Variants in BCL6 observed in about 807,000 individuals in gnomAD.
BCL6 encodes B-cell lymphoma 6 protein.
BCL6 carries 7 observed loss-of-function variants against 59.5 expected under a neutral mutation model. The observed-to-expected ratio is 0.12, with a 90% CI of 0.07 to 0.22. The LOEUF is 0.22. Among genes scored for constraint, BCL6 ranks in the 10% least tolerant of loss-of-function variants. The pLI is 1.00. For synonymous variants in BCL6, 339 were observed against 349.7 expected, an observed-to-expected ratio of 0.97 and a Z score of 0.34; for missense variants, 685 against 939.4, an observed-to-expected ratio of 0.73 and a Z score of 3.54.
intron 1 of BCL6, among the ~76,000 whole-genome samples, chr3:187,738,259 C>T (rs1024382173): frequency 5.3e-5 from 8 of 152,170 alleles, no homozygotes; most frequent in Non-Finnish European, 8.8e-5. Flanking sequence ...TTCTCCCTCA[C>T]CCCCGTTCTT....
Position 187,725,121 on chromosome 3 carries a change from G to A in BCL6, c.1840-43C>T. The A allele has an allele frequency of 1.9e-6, 3 of 1,611,624 alleles. No homozygotes were observed. Among genetic ancestry groups the A allele is most frequent in the Non-Finnish European group, 2.5e-6 (3 of 1,179,308 alleles). On this transcript the variant is annotated intron_variant, in intron 8 of 9. Transcript: ENST00000406870. The surrounding 1 kb of genome is among the most constrained non-coding windows in gnomAD (Gnocchi z 4.7). ...CATGAGAGGTCTTCTGGGGTGGGCT[G>A]CAGGCCTCTGGGCAGCCCCTCATTA...
chr3:187,745,302 A>T, intron 1 of BCL6, 108 bp downstream of exon 1: 1 of 399,350 alleles, frequency 2.5e-6, no homozygotes. Flanking sequence ...AAAAGAATTA[A>T]AAGGTAAAAT....
At chr3:187,737,838 C>T (rs1305659748) in intron 1 of BCL6, 1 of 139,110 alleles carries the variant, frequency 7.2e-6, no homozygotes, top group African/African-American at 2.7e-5. Flanking sequence ...ATTCCCGGAA[C>T]GTAGTCAATC....
chr3:187,730,993 T>G (rs1404048030), intron 4 of BCL6, among the ~76,000 whole-genome samples: 2 of 152,158 alleles, frequency 1.3e-5, no homozygotes, highest in Non-Finnish European at 2.9e-5. Context: ...GAGGATGCAA[T>G]CACCCTAGCA....
In BCL6 at chr3:187,729,398, T is replaced by G. The variant is rs779735759; in HGVS notation, c.1007A>C (p.Lys336Thr). 1 of 1,613,068 alleles carries G rather than the reference T, an allele frequency of 6.2e-7. No homozygotes were observed. Among genetic ancestry groups the G allele is most frequent in the East Asian group, 2.2e-5 (1 of 44,864 alleles). The change falls in exon 5 of 10, where the codon AAA becomes ACA. Residue 336 changes from lysine (K) to threonine (T), a missense_variant. Lys to Thr is a moderately conservative substitution (Grantham distance 78). Around this residue, in one of 7 missense-constraint regions of BCL6, gnomAD observed 28 missense variants for 66.4 expected, o/e 0.42. Coordinates refer to ENST00000406870, the MANE Select transcript of BCL6 (RefSeq NM_001706.5). This position sits in a 1 kb window ranked among gnomAD's most constrained non-coding sequence, Gnocchi z 5.6. ...KGLVSPQSPQ[K>T]SDCQPNSPTE... is the part of the protein sequence containing the mutation. ...GGGCGAGTTGGGCTGGCAGTCAGATTTCTGGGGGCTCTGTGGACTAACCAG... is the reference window on the plus strand; with the variant it reads ...GGGCGAGTTGGGCTGGCAGTCAGATGTCTGGGGGCTCTGTGGACTAACCAG...
At chr3:187,730,982 C>A (rs1039314901) in intron 4 of BCL6, among the ~76,000 whole-genome samples, 1 of 152,088 alleles carries the variant, frequency 6.6e-6, no homozygotes, top group Non-Finnish European at 1.5e-5. Context: ...TCTGTTTGAG[C>A]GAGGATGCAA....
chr3:187,739,938 C>T (rs1050955181), intron 1 of BCL6, among the ~76,000 whole-genome samples: 3 of 152,212 alleles, frequency 2.0e-5, no homozygotes, highest in African/African-American at 7.2e-5. Context: ...ATGAGTCAAA[C>T]TTGACCGCGC....
At chr3:187,742,533 C>A (rs1711644612) in intron 1 of BCL6, among the ~76,000 whole-genome samples, 1 of 152,198 alleles carries the variant, frequency 6.6e-6, no homozygotes, top group South Asian at 2.1e-4. Flanking sequence ...TTTTTATGAA[C>A]AGCATCTAGC....
chr3:187,737,781 T>C (rs990759991), intron 1 of BCL6: 3 of 145,460 alleles, frequency 2.1e-5, no homozygotes, highest in Non-Finnish European at 4.5e-5. Flanking sequence ...TTTTTCCTGT[T>C]ACGCCGTCAA....
At chr3:187,740,375 C>CGA (rs1371227107) in intron 1 of BCL6, among the ~76,000 whole-genome samples, 1 of 152,058 alleles carries the variant, frequency 6.6e-6, no homozygotes, top group Non-Finnish European at 1.5e-5. Context: ...CCCCGAGCTC[C>CGA]GAGACCCACA....
intron 3 of BCL6, 132 bp downstream of exon 3, chr3:187,733,401 G>A (rs1432974267): frequency 1.9e-6 from 2 of 1,048,222 alleles, no homozygotes; most frequent in Non-Finnish European, 2.8e-6. Context: ...GCCACGCCAT[G>A]GTGCTGAGAT....
intron 1 of BCL6, among the ~76,000 whole-genome samples, chr3:187,743,843 G>A (rs1049281673): frequency 4.6e-5 from 7 of 151,888 alleles, no homozygotes; most frequent in African/African-American, 1.7e-4. Flanking sequence ...ACTCCCTCGA[G>A]GAGAGCCACA....
chr3:187,744,116 G>A (rs1576884424), intron 1 of BCL6, among the ~76,000 whole-genome samples: 2 of 152,164 alleles, frequency 1.3e-5, no homozygotes, highest in African/African-American at 4.8e-5. Context: ...TACAGAGCTT[G>A]CACCATGGGA....
intron 1 of BCL6, among the ~76,000 whole-genome samples, chr3:187,742,472 G>A (rs895687648): frequency 6.6e-6 from 1 of 152,156 alleles, no homozygotes; most frequent in African/African-American, 2.4e-5. Context: ...AGAAGAAAGG[G>A]GCAATTGGAG....
At chr3:187,744,691 G>T (rs1711808771) in intron 1 of BCL6, among the ~76,000 whole-genome samples, 2 of 152,122 alleles carry the variant, frequency 1.3e-5, no homozygotes, top group South Asian at 4.2e-4. Flanking sequence ...GAGCCAGCGG[G>T]GCGAGCGAGC....
chr3:187,726,678 T>C (rs1718713159), intron 7 of BCL6, 53 bp downstream of exon 7: 1 of 1,591,034 alleles, frequency 6.3e-7, no homozygotes, highest in Non-Finnish European at 8.6e-7. Context: ...ATCCTCTCCC[T>C]GTCCTGCCCC....
chr3:187,744,998 C>T (rs775302700), intron 1 of BCL6, among the ~76,000 whole-genome samples: 7 of 151,982 alleles, frequency 4.6e-5, no homozygotes, highest in Non-Finnish European at 8.8e-5. Context: ...GTCTCGTCCT[C>T]TCTGCTCCGG....
chr3:187,721,955 A>ATT lies in BCL6; in HGVS notation c.*501_*502dup, dbSNP rs1430336903. The stretch of plus-strand genomic sequence containing the variant: ...ATCTTTTTTAGGTTTATATATATTT[A>ATT]TTTTATATATATATATATTTATATA... On this transcript the variant is annotated 3_prime_UTR_variant, in exon 10 of 10. Transcript: ENST00000406870. This position sits in a 1 kb window ranked among gnomAD's most constrained non-coding sequence, Gnocchi z 4.2. The ATT allele has an allele frequency of 1.5e-4, 22 of 142,348 alleles. No homozygotes were observed. Among genetic ancestry groups the ATT allele is most frequent in the South Asian group, 6.4e-4 (2 of 3,144 alleles). 8.8% of individuals were successfully genotyped at this position (142,348 alleles called of 1,614,324 possible).
intron 1 of BCL6, chr3:187,736,652 G>T (rs150890619): frequency 6.6e-6 from 1 of 152,186 alleles, no homozygotes; most frequent in Non-Finnish European, 1.5e-5. Flanking sequence ...GCTTTTCACC[G>T]TAAGCCTCTG....
Sources: gnomAD v4.1 joint callset for allele counts (sites outside exome capture counted in the v4.1 genomes callset) on GRCh38, gnomAD v4.1.1 for gene constraint, gnomAD v4.1.1 regional missense constraint, Gnocchi (gnomAD v3.1) non-coding constraint, MANE v1.5 for transcripts, NCBI Gene and HGNC (gene_info 2026-07-23, HGNC 2026-07-21) for gene names.